OSBPL10: variants seen among roughly 807,000 people sequenced by gnomAD.
The protein encoded by OSBPL10 is oxysterol-binding protein-related protein 10.
A neutral mutation model predicts 81.7 loss-of-function variants in OSBPL10; 49 were observed. The observed-to-expected ratio is 0.60, with a 90% confidence interval of 0.48 to 0.76. The LOEUF (loss-of-function observed/expected upper bound fraction) is 0.76, where lower values mean the gene tolerates loss of function less well. Among genes scored for constraint, OSBPL10 ranks in the 30% least tolerant of loss-of-function variants. OSBPL10 has a pLI of 0.00. For synonymous variants in OSBPL10, 419 were observed against 383.6 expected (o/e 1.09, Z -1.08); for missense variants, 923 against 987.8 (o/e 0.93, Z 0.88).
chr3:32,073,988 C>T (rs1575097040), intron 1 of OSBPL10, among the ~76,000 whole-genome samples: 1 of 152,234 alleles, frequency 6.6e-6, no homozygotes, highest in East Asian at 1.9e-4. Context: ...TAGTTACCTC[C>T]AGCATACTAG....
At chr3:31,990,184 C>T (rs1409795583) in intron 2 of OSBPL10, 4 of 1,613,756 alleles carry the variant, frequency 2.5e-6, no homozygotes, top group African/African-American at 2.7e-5. Context: ...TGGAGAGAAA[C>T]CTTACAAGTG....
chr3:31,675,247 C>A (rs1230613920), intron 8 of OSBPL10, among the ~76,000 whole-genome samples: 4 of 152,214 alleles, frequency 2.6e-5, no homozygotes, highest in Non-Finnish European at 4.4e-5. Context: ...CACACAACAG[C>A]CACAAACTTG....
chr3:31,863,554 G>C (rs1398805682), intron 3 of OSBPL10, among the ~76,000 whole-genome samples: 1 of 152,200 alleles, frequency 6.6e-6, no homozygotes, highest in Admixed American at 6.5e-5. Context: ...GGTCATAGCA[G>C]TGCCTGCCTT....
chr3:32,032,740 C>T (rs1017957158), intron 2 of OSBPL10, among the ~76,000 whole-genome samples: 3 of 152,166 alleles, frequency 2.0e-5, no homozygotes, highest in African/African-American at 7.2e-5. Flanking sequence ...CTGTTAATCT[C>T]CAGCTCTTTA....
chr3:31,705,493 C>T (rs1298287678), intron 6 of OSBPL10, among the ~76,000 whole-genome samples: 1 of 151,816 alleles, frequency 6.6e-6, no homozygotes, highest in Non-Finnish European at 1.5e-5. Flanking sequence ...AATCTACTGG[C>T]AACCACAAAG....
At position 31,670,807 on chromosome 3, in the gene OSBPL10, T is replaced by C. The variant is rs1254368358; in HGVS notation, c.1903A>G (p.Lys635Glu). The change falls in exon 9 of 12, where the codon AAA (lysine) becomes GAA (glutamate). Residue 635 changes from lysine (K) to glutamate (E), a missense_variant. By Grantham distance (56) the Lys-to-Glu change is moderately conservative (BLOSUM62 1). Around this residue, in one of 3 missense-constraint regions of OSBPL10, gnomAD observed 387 missense variants for 436.3 expected, o/e 0.89. Transcript: ENST00000396556. ...IFHTKPFYGG[K>E]VHRVTAEVKH... ...CCGGCCAGCTCCTACCTGTGGACTTTCCCTCCATAGAAAGGCTTCGTGTGG... is the reference window on the plus strand; with the variant it reads ...CCGGCCAGCTCCTACCTGTGGACTTCCCCTCCATAGAAAGGCTTCGTGTGG... The C allele has an allele frequency of 5.6e-6, 9 of 1,613,654 alleles. No individual in the cohort carries two copies. In the Admixed American group the frequency reaches 6.7e-5, roughly 12 times the overall value.
rs531349884 is a variant in OSBPL10 at position 31,792,441 on chromosome 3, C to G, written c.729+37599G>C. 1.4e-4 allele frequency among the ~76,000 whole-genome samples: 22 copies of G among 152,242 alleles called. No homozygotes were observed. In the South Asian group the frequency reaches 3.7e-3, roughly 26 times the overall value. On this transcript the variant is annotated intron_variant, in intron 4 of 11. Coordinates refer to ENST00000396556, the MANE Select transcript of OSBPL10 (RefSeq NM_017784.5). Reference sequence around the variant, plus strand: ...TTTAAACAGGTTGCAAAATGGTTCCCCCTCTCCCACTCTCAACATTGGCGA... The same window carrying G: ...TTTAAACAGGTTGCAAAATGGTTCCGCCTCTCCCACTCTCAACATTGGCGA...
chr3:32,035,713 A>G (rs990785513), intron 2 of OSBPL10, among the ~76,000 whole-genome samples: 9 of 152,178 alleles, frequency 5.9e-5, no homozygotes, highest in South Asian at 2.1e-4. Flanking sequence ...TCTGGTAGGA[A>G]AAGAACCTAT....
At chr3:31,676,861 G>T (rs1700490173) in intron 8 of OSBPL10, among the ~76,000 whole-genome samples, 1 of 152,208 alleles carries the variant, frequency 6.6e-6, no homozygotes, top group African/African-American at 2.4e-5. Flanking sequence ...GTGGACAGAG[G>T]TCTTAGGTTG....
chr3:31,778,879 C>A (rs1698615475), intron 4 of OSBPL10, among the ~76,000 whole-genome samples: 1 of 152,032 alleles, frequency 6.6e-6, no homozygotes, highest in African/African-American at 2.4e-5. Flanking sequence ...CAGCAGAAAC[C>A]CTTATTAGCC....
chr3:32,024,682 A>G (rs576494980), intron 2 of OSBPL10, among the ~76,000 whole-genome samples: 1 of 151,952 alleles, frequency 6.6e-6, no homozygotes, highest in South Asian at 2.1e-4. Context: ...ACAGGGTTTT[A>G]CCATGTTGGC....
chr3:31,695,097 T>C (rs1206140665), intron 7 of OSBPL10, among the ~76,000 whole-genome samples: 1 of 152,210 alleles, frequency 6.6e-6, no homozygotes, highest in East Asian at 1.9e-4. Context: ...GAGCTATGAA[T>C]TGGGTATCTT....
At chr3:31,743,330 T>C (rs896195617) in intron 5 of OSBPL10, among the ~76,000 whole-genome samples, 3 of 152,108 alleles carry the variant, frequency 2.0e-5, no homozygotes, top group African/African-American at 4.8e-5. Flanking sequence ...TGAGCCACCA[T>C]ACCCGGCCAA....
intron 1 of OSBPL10, among the ~76,000 whole-genome samples, chr3:32,060,215 A>G (rs1198244640): frequency 6.6e-6 from 1 of 152,184 alleles, no homozygotes; most frequent in Non-Finnish European, 1.5e-5. Context: ...TATGTCTTCA[A>G]ATAATTTTAA....
intron 1 of OSBPL10, among the ~76,000 whole-genome samples, chr3:31,975,276 T>C (rs1025498533): frequency 2.0e-5 from 3 of 152,154 alleles, no homozygotes; most frequent in Non-Finnish European, 4.4e-5. Flanking sequence ...TCTGGCAGAC[T>C]ACACAGGAAG....
At chr3:31,883,227 T>C (rs1001262530) in intron 1 of OSBPL10, among the ~76,000 whole-genome samples, 3 of 146,326 alleles carry the variant, frequency 2.1e-5, no homozygotes, top group African/African-American at 5.1e-5. Flanking sequence ...GCATCCCCTT[T>C]GACAAGCATG....
At chr3:31,961,121 C>T (rs1698149827) in intron 1 of OSBPL10, among the ~76,000 whole-genome samples, 1 of 144,252 alleles carries the variant, frequency 6.9e-6, no homozygotes, top group South Asian at 2.3e-4. Flanking sequence ...CAACCCACTC[C>T]ATAAAGAATG....
At chr3:31,795,104 C>G (rs1341824617) in intron 4 of OSBPL10, 1 of 154,260 alleles carries the variant, frequency 6.5e-6, no homozygotes, top group Non-Finnish European at 1.4e-5. Context: ...GAGGGAAAGA[C>G]TCATTACAGC....
At chr3:31,859,505 C>T (rs999526559) in intron 3 of OSBPL10, among the ~76,000 whole-genome samples, 3 of 152,232 alleles carry the variant, frequency 2.0e-5, no homozygotes, top group African/African-American at 7.2e-5. Context: ...GCAGGTTGTT[C>T]TCATCAGTGC....
Sources: allele counts gnomAD v4.1 joint callset (sites outside exome capture counted in the v4.1 genomes callset), GRCh38; gene constraint gnomAD v4.1.1; regional missense constraint gnomAD v4.1.1; transcripts MANE v1.5; gene names NCBI Gene and HGNC (gene_info 2026-07-23, HGNC 2026-07-21).